KCTD1: variants seen among roughly 807,000 people sequenced by gnomAD.
The protein encoded by KCTD1 is potassium channel tetramerization domain containing 1, also known as BTB/POZ domain-containing protein KCTD1.
A neutral mutation model predicts 66.0 loss-of-function variants in KCTD1; 24 were observed. The ratio of observed to expected loss-of-function variants is 0.36; its 90% CI spans 0.26 to 0.51. The LOEUF is 0.51. KCTD1 is among the 20% of genes least tolerant of loss of function. The pLI is 0.95. For synonymous variants in KCTD1, 511 were observed against 517.2 expected (o/e 0.99, Z 0.16); for missense variants, 943 against 1,205.2 (o/e 0.78, Z 3.22).
chr18:26,648,512 T>C (rs1197450110), intron 1 of KCTD1, among the ~76,000 whole-genome samples: 1 of 152,222 alleles, frequency 6.6e-6, no homozygotes, highest in Non-Finnish European at 1.5e-5. Flanking sequence ...AGCAGAAGTA[T>C]TTACACCTCT....
At chr18:26,496,238 C>T (rs1393369717) in intron 2 of KCTD1, among the ~76,000 whole-genome samples, 1 of 152,188 alleles carries the variant, frequency 6.6e-6, no homozygotes, top group Non-Finnish European at 1.5e-5. Flanking sequence ...GTCTACTTTG[C>T]ATACTTCTAG....
At chr18:26,605,053 G>A (rs36113185) in intron 1 of KCTD1, among the ~76,000 whole-genome samples, 10,616 of 152,120 alleles carry the variant, frequency 0.07, 424 homozygotes, top group South Asian at 0.14. Context: ...GGATTACTGT[G>A]TTCCAGGCAA....
chr18:26,646,767 CT>C (rs1241753069), intron 1 of KCTD1, among the ~76,000 whole-genome samples: 1 of 152,032 alleles, frequency 6.6e-6, no homozygotes, highest in Non-Finnish European at 1.5e-5. Context: ...AAATATTGAG[CT>C]TTTTAAATGA....
At chr18:26,647,341 C>CCT (rs1555649515) in intron 1 of KCTD1, among the ~76,000 whole-genome samples, 1 of 109,722 alleles carries the variant, frequency 9.1e-6, no homozygotes, top group Non-Finnish European at 2.2e-5. Flanking sequence ...ACCCCCCCCC[C>CCT]ATCTCTACTA....
chr18:26,606,165 T>G (rs985950980), intron 1 of KCTD1, among the ~76,000 whole-genome samples: 1 of 152,180 alleles, frequency 6.6e-6, no homozygotes. Flanking sequence ...GAGACCAAGG[T>G]TTTATCATGT....
In KCTD1 at chr18:26,476,465, T is replaced by TA. The variant is rs1416054709; in HGVS notation, c.2133+49dup. 3.9e-6 allele frequency: 6 copies of TA among 1,544,176 alleles called. No homozygotes were observed. The African/African-American group carries it at 4.2e-5, about 11-fold the overall frequency. On this transcript the variant is annotated intron_variant, in intron 3 of 4. Coordinates refer to ENST00000580059, the MANE Select transcript of KCTD1 (RefSeq NM_001142730.3). This position sits in a 1 kb window ranked among gnomAD's most constrained non-coding sequence, Gnocchi z 4.9. ...ACTAGAAATATTTTTTTGGAGCACA[T>TA]AAAAAAATCACATATTTATGCTATT...
chr18:26,493,259 T>C (rs895314437), intron 2 of KCTD1, among the ~76,000 whole-genome samples: 14 of 152,166 alleles, frequency 9.2e-5, no homozygotes, highest in African/African-American at 3.1e-4. Context: ...GGGGTGCAAA[T>C]GTGCGATGTC....
At chr18:26,611,330 G>A (rs1987132678) in intron 1 of KCTD1, among the ~76,000 whole-genome samples, 1 of 134,916 alleles carries the variant, frequency 7.4e-6, no homozygotes, top group African/African-American at 2.9e-5. Flanking sequence ...ATAGTAACTG[G>A]GTTTTGTTTG....
chr18:26,614,205 C>T (rs1042590587), intron 1 of KCTD1, among the ~76,000 whole-genome samples: 1 of 152,208 alleles, frequency 6.6e-6, no homozygotes, highest in Non-Finnish European at 1.5e-5. Flanking sequence ...GCACGTAGAT[C>T]AGTGCCCAGC....
intron 1 of KCTD1, chr18:26,543,389 C>A (rs1047337049): frequency 6.6e-6 from 1 of 152,208 alleles, no homozygotes; most frequent in Non-Finnish European, 1.5e-5. Context: ...AACATCCCTC[C>A]CTCTTAGTCT....
chr18:26,459,419 T>A (rs1171105100), intron 4 of KCTD1: 2 of 565,750 alleles, frequency 3.5e-6, no homozygotes, highest in Admixed American at 3.5e-5. Flanking sequence ...CTTCTGTATC[T>A]CCAGTGCTCA....
At chr18:26,495,975 GT>G (rs1418146180) in intron 2 of KCTD1, among the ~76,000 whole-genome samples, 1 of 152,086 alleles carries the variant, frequency 6.6e-6, no homozygotes, top group Non-Finnish European at 1.5e-5. Flanking sequence ...AATCAGACGT[GT>G]TTTCTTTTAA....
chr18:26,526,820 T>C (rs1984184568), intron 1 of KCTD1, among the ~76,000 whole-genome samples: 1 of 151,086 alleles, frequency 6.6e-6, no homozygotes, highest in South Asian at 2.1e-4. Context: ...TGAGGGAGCC[T>C]TTCCCTGAAG....
At chr18:26,600,239 TG>T in intron 1 of KCTD1, 3 of 1,606,626 alleles carry the variant, frequency 1.9e-6, no homozygotes. Context: ...AACTGCTACC[TG>T]GGTGATGCCT....
At chr18:26,640,835 G>C (rs899966538), upstream of KCTD1, among the ~76,000 whole-genome samples, 7 of 152,100 alleles carry the variant, frequency 4.6e-5, no homozygotes, top group Non-Finnish European at 1.0e-4. Context: ...AGGAACATGA[G>C]GTTCCCTGGG....
At chr18:26,501,847 C>A (rs960119338) in intron 1 of KCTD1, among the ~76,000 whole-genome samples, 7 of 152,346 alleles carry the variant, frequency 4.6e-5, no homozygotes, top group African/African-American at 1.7e-4. Flanking sequence ...AGAATATACC[C>A]TCAAATGATA....
chr18:26,645,281 C>A (rs1417614744), upstream of KCTD1, among the ~76,000 whole-genome samples: 1 of 151,970 alleles, frequency 6.6e-6, no homozygotes, highest in Non-Finnish European at 1.5e-5. Context: ...TGGAGTGAGA[C>A]CCCATCTCAA....
At chr18:26,657,448 C>T (rs771244455), upstream of KCTD1, 370 of 930,022 alleles carry the variant, frequency 4.0e-4, no homozygotes, top group Non-Finnish European at 4.6e-4. Flanking sequence ...GCGATCTGCT[C>T]GGCTCGCCAC....
chr18:26,613,471 G>A (rs1987181740), intron 1 of KCTD1, among the ~76,000 whole-genome samples: 1 of 152,172 alleles, frequency 6.6e-6, no homozygotes, highest in East Asian at 1.9e-4. Context: ...TTCAAGGAAG[G>A]AGGTAACATG....
Sources: allele counts gnomAD v4.1 joint callset (sites outside exome capture counted in the v4.1 genomes callset), GRCh38; gene constraint gnomAD v4.1.1; non-coding constraint Gnocchi (gnomAD v3.1); transcripts MANE v1.5; gene names NCBI Gene and HGNC (gene_info 2026-07-23, HGNC 2026-07-21).